UQCRH: variants seen among roughly 807,000 people sequenced by gnomAD.
UQCRH encodes the protein cytochrome b-c1 complex subunit 6, mitochondrial.
In UQCRH, 14 loss-of-function variants were observed where a neutral mutation model predicts 16.3. The ratio of observed to expected loss-of-function variants is 0.86; its 90% CI spans 0.57 to 1.34. UQCRH has a LOEUF of 1.34. Ranked by LOEUF, UQCRH falls within the 40% of genes most tolerant of loss-of-function variation. The pLI, the probability that UQCRH is intolerant of heterozygous loss-of-function variation, is 0.00. For missense variants in UQCRH, 89 were observed against 111.9 expected, an observed-to-expected ratio of 0.80 and a Z score of 0.92; for synonymous variants, 41 against 41.9, an observed-to-expected ratio of 0.98 and a Z score of 0.08.
rs900138402 is a variant in UQCRH at position 46,311,478 on chromosome 1, T to A, written c.243+1162T>A. On this transcript the variant is annotated intron_variant, in intron 3 of 3. Transcript: ENST00000311672. ...TGTAGCCCCCAGCTACTCGGGAGCC[T>A]GAGGCAGGAGAATGGCGTCAACCCA... Among the ~76,000 whole-genome samples the A allele has an allele frequency of 4.7e-5, 7 of 148,860 alleles. No individual in the cohort carries two copies. The South Asian group carries it at 6.5e-4, about 14-fold the overall frequency.
At chr1:46,312,512 G>C (rs74793198) in intron 3 of UQCRH, among the ~76,000 whole-genome samples, 1 of 151,920 alleles carries the variant, frequency 6.6e-6, no homozygotes, top group Non-Finnish European at 1.5e-5. Context: ...CAGCTTCCCA[G>C]AGTGTTGGGA....
chr1:46,311,857 T>A (rs528304668), intron 3 of UQCRH, among the ~76,000 whole-genome samples: 1 of 151,926 alleles, frequency 6.6e-6, no homozygotes, highest in East Asian at 2.0e-4. Context: ...CTCAGTCTCC[T>A]GACCCCTGTG....
chr1:46,308,031 T>A (rs1313014059), intron 1 of UQCRH, among the ~76,000 whole-genome samples: 1 of 152,224 alleles, frequency 6.6e-6, no homozygotes, highest in African/African-American at 2.4e-5. Context: ...ATCTCTAAAC[T>A]GGGATTACCT....
At chr1:46,303,928 T>C in intron 1 of UQCRH, 108 bp downstream of exon 1, 1 of 1,463,728 alleles carries the variant, frequency 6.8e-7, no homozygotes, top group Non-Finnish European at 9.4e-7. Context: ...CCTCTAGGGT[T>C]TGCATAGTCG....
chr1:46,311,068 C>T (rs1661461849), intron 3 of UQCRH, among the ~76,000 whole-genome samples: 1 of 149,330 alleles, frequency 6.7e-6, no homozygotes, highest in African/African-American at 2.5e-5. Flanking sequence ...GAGCGAGACT[C>T]CATCTCAAAA....
At chr1:46,312,347 C>A (rs1297475938) in intron 3 of UQCRH, among the ~76,000 whole-genome samples, 1 of 152,030 alleles carries the variant, frequency 6.6e-6, no homozygotes, top group Admixed American at 6.6e-5. Context: ...TCCAGTGATC[C>A]ACCTGCCTCA....
chr1:46,309,312 G>A (rs976075492), intron 2 of UQCRH, 185 bp downstream of exon 2: 1 of 632,928 alleles, frequency 1.6e-6, no homozygotes, highest in Admixed American at 3.6e-5. Context: ...GTCTGTTCTG[G>A]GTTTGGGGCT....
intron 1 of UQCRH, among the ~76,000 whole-genome samples, chr1:46,305,787 A>G (rs1047773894): frequency 2.1e-5 from 3 of 145,778 alleles, no homozygotes; most frequent in Non-Finnish European, 3.0e-5. Context: ...AAAATAAACT[A>G]TGGTATTCTA....
At chr1:46,306,664 A>G (rs1486443818) in intron 1 of UQCRH, among the ~76,000 whole-genome samples, 2 of 152,064 alleles carry the variant, frequency 1.3e-5, no homozygotes. Flanking sequence ...GAGCCACTGC[A>G]CCCGGCTTTC....
intron 3 of UQCRH, among the ~76,000 whole-genome samples, chr1:46,314,151 C>T (rs2148338236): frequency 6.6e-6 from 1 of 152,234 alleles, no homozygotes; most frequent in African/African-American, 2.4e-5. Context: ...GCAGGCGGAT[C>T]ACAAGGTCAG....
At chr1:46,303,896 G>GCCCT in intron 1 of UQCRH, 76 bp downstream of exon 1, 1 of 1,592,746 alleles carries the variant, frequency 6.3e-7, no homozygotes, top group Non-Finnish European at 8.6e-7. Flanking sequence ...CACGCACGGG[G>GCCCT]CCCTCTTAGC....
Position 46,315,298 on chromosome 1 carries a change from G to A in UQCRH, c.244-1254G>A, listed in dbSNP as rs113122879. ...CGTCTCTACTAAAAATACAAAATTA[G>A]CCGGGCGTGGTGGCACATGCCTATA... On this transcript the variant is annotated intron_variant, in intron 3 of 3. Transcript: ENST00000311672. Among the ~76,000 whole-genome samples, 216 of 152,270 alleles carry A rather than the reference G, an allele frequency of 1.4e-3. 1 individual carries two copies. The highest frequency in any genetic ancestry group is 7.5e-3 in the South Asian group (36 of 4,818).
rs893397160 is a variant in UQCRH at position 46,303,755 on chromosome 1, C to T, written c.-12C>T. 3 of 1,614,148 alleles carry T rather than the reference C, an allele frequency of 1.9e-6. No individual in the cohort carries two copies. Among genetic ancestry groups the T allele is most frequent in the Non-Finnish European group, 8.5e-7 (1 of 1,180,000 alleles). ...GTTGCTGCTCGTGTTGAATCTAGAA[C>T]CGTAGCCAGACATGGGACTGGAGGA... On this transcript the variant is annotated 5_prime_UTR_variant, in exon 1 of 4. Coordinates refer to ENST00000311672, the MANE Select transcript of UQCRH (RefSeq NM_006004.4).
intron 3 of UQCRH, 55 bp downstream of exon 3, chr1:46,310,371 G>T: frequency 1.2e-6 from 2 of 1,608,048 alleles, no homozygotes; most frequent in Non-Finnish European, 1.7e-6. Context: ...GGGAAGACTT[G>T]GTGCCAACAA....
chr1:46,314,216 A>G (rs1052489620), intron 3 of UQCRH, among the ~76,000 whole-genome samples: 3 of 151,952 alleles, frequency 2.0e-5, no homozygotes, highest in African/African-American at 4.8e-5. Flanking sequence ...AATACAAAAG[A>G]TTAGCCGGGC....
At chr1:46,310,928 G>A (rs1305194071) in intron 3 of UQCRH, among the ~76,000 whole-genome samples, 4 of 151,948 alleles carry the variant, frequency 2.6e-5, no homozygotes, top group African/African-American at 7.3e-5. Flanking sequence ...TTAGCTGGGC[G>A]CGGTGGCGGG....
chr1:46,316,507 A>G, intron 3 of UQCRH, 45 bp from the exon 4 acceptor site: 25 of 1,613,532 alleles, frequency 1.5e-5, no homozygotes, highest in Non-Finnish European at 2.1e-5. Flanking sequence ...AAGCCATGAC[A>G]TTAAAGCTGC....
chr1:46,310,429 A>G lies in UQCRH; in HGVS notation c.243+113A>G, dbSNP rs963351688. The stretch of plus-strand genomic sequence containing the variant: ...CCATCAGTTACTCTGGGCCCAATAT[A>G]TGTGACATATGGTGCGCTGAGCATT... On this transcript the variant is annotated intron_variant, in intron 3 of 3. Transcript: ENST00000311672. 8 of 1,467,958 alleles carry G rather than the reference A, an allele frequency of 5.4e-6. No individual in the cohort carries two copies. The African/African-American group carries it at 9.8e-5, about 18-fold the overall frequency. 90.9% of individuals were successfully genotyped at this position (1,467,958 alleles called of 1,614,324 possible).
rs146621405 is a variant in UQCRH, at chr1:46,310,213, G to A, written c.140G>A (p.Arg47Gln). 1.8e-5 allele frequency: 29 copies of A among 1,614,084 alleles called. No individual in the cohort carries two copies. The highest frequency in any genetic ancestry group is 2.3e-5 in the Non-Finnish European group (27 of 1,180,044). Reference sequence around the variant, plus strand: ...CAGTTGGAGAAATGTGTAAAGGCCCGGGAGCGGCTAGAGCTCTGTGATGAG... The same window carrying A: ...CAGTTGGAGAAATGTGTAAAGGCCCAGGAGCGGCTAGAGCTCTGTGATGAG... Reference protein sequence around the residue: ...CEQLEKCVKARERLELCDERV... With the variant: ...CEQLEKCVKAQERLELCDERV... The change falls in exon 3 of 4, where the codon CGG becomes CAG. Residue 47 changes from arginine to glutamine, a missense_variant. Coordinates refer to ENST00000311672, the MANE Select transcript of UQCRH (RefSeq NM_006004.4).
Sources: gnomAD v4.1 joint callset for allele counts (sites outside exome capture counted in the v4.1 genomes callset) on GRCh38, gnomAD v4.1.1 for gene constraint, MANE v1.5 for transcripts, NCBI Gene and HGNC (gene_info 2026-07-23, HGNC 2026-07-21) for gene names.